GMDS: variants seen among roughly 807,000 people sequenced by gnomAD.
GMDS encodes GDP-mannose 4,6 dehydratase.
Under a neutral mutation model 49.9 loss-of-function variants are expected in GMDS, and 20 were observed. The ratio of observed to expected loss-of-function variants is 0.40; its 90% confidence interval spans 0.28 to 0.58. GMDS has a LOEUF of 0.58. GMDS is among the 20% of genes least tolerant of loss of function. The pLI is 0.42. For missense variants in GMDS, 362 were observed against 481.4 expected, an observed-to-expected ratio of 0.75 and a Z score of 2.32; for synonymous variants, 177 against 178.6, an observed-to-expected ratio of 0.99 and a Z score of 0.07.
At chr6:2,171,840 G>C (rs1778021570) in intron 1 of GMDS, among the ~76,000 whole-genome samples, 1 of 151,936 alleles carries the variant, frequency 6.6e-6, no homozygotes, top group African/African-American at 2.4e-5. Flanking sequence ...AAAGATAATA[G>C]GATAATGTAA....
chr6:1,831,862 A>G (rs1756662191), intron 7 of GMDS, among the ~76,000 whole-genome samples: 1 of 152,108 alleles, frequency 6.6e-6, no homozygotes, highest in Non-Finnish European at 1.5e-5. Context: ...AAGGCCAAAG[A>G]GGAGTTTCAG....
intron 4 of GMDS, among the ~76,000 whole-genome samples, chr6:2,035,770 T>C (rs1769268813): frequency 6.6e-6 from 1 of 152,110 alleles, no homozygotes; most frequent in South Asian, 2.1e-4. Context: ...CACTGCAACC[T>C]CTACCTCCCA....
chr6:1,907,765 T>C (rs1760847588), intron 7 of GMDS, among the ~76,000 whole-genome samples: 1 of 152,144 alleles, frequency 6.6e-6, no homozygotes, highest in African/African-American at 2.4e-5. Context: ...TAAGGGAATA[T>C]AGGGTTATAA....
chr6:1,728,326 T>A (rs1292983662), intron 8 of GMDS, among the ~76,000 whole-genome samples: 1 of 152,214 alleles, frequency 6.6e-6, no homozygotes, highest in Non-Finnish European at 1.5e-5. Context: ...GAAAGTATAT[T>A]TGTATTTCAC....
At chr6:2,230,117 T>TGCGA (rs1781017715) in intron 1 of GMDS, among the ~76,000 whole-genome samples, 5 of 152,072 alleles carry the variant, frequency 3.3e-5, no homozygotes, top group African/African-American at 7.3e-5. Flanking sequence ...AGTCCACAGT[T>TGCGA]GACTTCCTCC....
At chr6:2,143,974 C>T (rs1455868194) in intron 1 of GMDS, among the ~76,000 whole-genome samples, 1 of 152,078 alleles carries the variant, frequency 6.6e-6, no homozygotes, top group Non-Finnish European at 1.5e-5. Flanking sequence ...GATGCCTTGC[C>T]TTCAAAAAAC....
chr6:2,244,845 G>A (rs1207626638), intron 1 of GMDS, among the ~76,000 whole-genome samples: 1 of 152,150 alleles, frequency 6.6e-6, no homozygotes, highest in African/African-American at 2.4e-5. Context: ...CGGTGATAGG[G>A]GACGAAACCA....
intron 7 of GMDS, among the ~76,000 whole-genome samples, chr6:1,826,563 CAATATA>C (rs1429720442): frequency 1.3e-5 from 2 of 152,110 alleles, no homozygotes; most frequent in African/African-American, 2.4e-5. Context: ...CAGATATTGT[CAATATA>C]GTTATAAACT....
chr6:1,774,026 C>T (rs920682974), intron 7 of GMDS, among the ~76,000 whole-genome samples: 6 of 152,078 alleles, frequency 3.9e-5, no homozygotes, highest in South Asian at 2.1e-4. Context: ...CCAAACATGA[C>T]GTACAAAAAT....
chr6:1,887,642 T>C (rs1314333027), intron 7 of GMDS, among the ~76,000 whole-genome samples: 1 of 152,218 alleles, frequency 6.6e-6, no homozygotes, highest in African/African-American at 2.4e-5. Context: ...AACAATGTCA[T>C]TGTCATTAGC....
chr6:1,906,422 A>G (rs952123809), intron 7 of GMDS, among the ~76,000 whole-genome samples: 1 of 152,254 alleles, frequency 6.6e-6, no homozygotes, highest in African/African-American at 2.4e-5. Context: ...ATTGCTGTTA[A>G]GTAAAATAAC....
chr6:2,179,243 A>G (rs1778415459), intron 1 of GMDS, among the ~76,000 whole-genome samples: 3 of 152,238 alleles, frequency 2.0e-5, no homozygotes, highest in Non-Finnish European at 4.4e-5. Context: ...AATATCTTAA[A>G]ACTTGATTTC....
At chr6:2,154,971 T>C (rs1202451153) in intron 1 of GMDS, among the ~76,000 whole-genome samples, 1 of 151,286 alleles carries the variant, frequency 6.6e-6, no homozygotes, top group Non-Finnish European at 1.5e-5. Context: ...GATTTTTACC[T>C]ACTTCATATG....
intron 6 of GMDS, among the ~76,000 whole-genome samples, chr6:1,935,264 G>T (rs955878645): frequency 6.6e-5 from 10 of 152,076 alleles, no homozygotes; most frequent in African/African-American, 2.4e-4. Context: ...ATTAACATTT[G>T]CCATGCCAAA....
intron 7 of GMDS, among the ~76,000 whole-genome samples, chr6:1,848,047 G>T (rs1028773245): frequency 6.6e-6 from 1 of 152,172 alleles, no homozygotes; most frequent in Admixed American, 6.5e-5. Context: ...AGACTTGAAG[G>T]ATGTGAGGTA....
At chr6:1,828,555 A>G (rs1300142675) in intron 7 of GMDS, among the ~76,000 whole-genome samples, 2 of 152,244 alleles carry the variant, frequency 1.3e-5, no homozygotes, top group African/African-American at 4.8e-5. Context: ...GTAACAATTC[A>G]TCACATATAA....
chr6:1,797,884 T>C (rs539900283), intron 7 of GMDS, among the ~76,000 whole-genome samples: 4 of 152,350 alleles, frequency 2.6e-5, no homozygotes, highest in Non-Finnish European at 5.9e-5. Flanking sequence ...CAGGACAGGT[T>C]TGCTAACAAG....
intron 4 of GMDS, among the ~76,000 whole-genome samples, chr6:2,001,166 C>T (rs1469010367): frequency 6.6e-6 from 1 of 152,170 alleles, no homozygotes; most frequent in Admixed American, 6.5e-5. Context: ...TATGATCTGA[C>T]TTTTGATTCC....
At chr6:1,946,021 C>G (rs1413775724) in intron 6 of GMDS, among the ~76,000 whole-genome samples, 1 of 152,172 alleles carries the variant, frequency 6.6e-6, no homozygotes, top group Non-Finnish European at 1.5e-5. Flanking sequence ...GTTTCTATGT[C>G]ACCCATGTGG....
Sources: allele counts gnomAD v4.1 joint callset (sites outside exome capture counted in the v4.1 genomes callset), GRCh38; gene constraint gnomAD v4.1.1; transcripts MANE v1.5; gene names NCBI Gene and HGNC (gene_info 2026-07-23, HGNC 2026-07-21).